Variants in LHPP observed in about 807,000 individuals in gnomAD.
LHPP encodes the protein hLHPP.
LHPP carries 24 observed loss-of-function variants against 30.3 expected under a neutral mutation model. That is an observed-to-expected ratio of 0.79 (90% CI 0.57 to 1.11). LHPP has a LOEUF of 1.11. LHPP is among the 50% of genes most tolerant of loss of function. LHPP has a pLI of 0.00. For synonymous variants in LHPP, 150 were observed against 157.1 expected, an observed-to-expected ratio of 0.95 and a Z score of 0.34; for missense variants, 356 against 367.2, an observed-to-expected ratio of 0.97 and a Z score of 0.25.
intron 1 of LHPP, among the ~76,000 whole-genome samples, chr10:124,471,142 C>A (rs886927175): frequency 6.6e-6 from 1 of 151,850 alleles, no homozygotes; most frequent in South Asian, 2.1e-4. Flanking sequence ...CCTTTTCCTT[C>A]GTATTCCTCA....
At chr10:124,610,461 A>AGGGTGCTGGTGGAGCGGGTGAGGGTGC (rs1949163486) in intron 6 of LHPP, among the ~76,000 whole-genome samples, 25 of 73,492 alleles carry the variant, frequency 3.4e-4, no homozygotes, top group Non-Finnish European at 4.5e-4. Flanking sequence ...GGTGAGGGTG[A>AGGGTGCTGGTGGAGCGGGTGAGGGTGC]GGGTGAGGGT....
intron 6 of LHPP, among the ~76,000 whole-genome samples, chr10:124,610,420 T>G (rs867554407): frequency 1.4e-5 from 1 of 72,016 alleles, no homozygotes; most frequent in Admixed American, 1.3e-4. Flanking sequence ...CGGGTGAGGG[T>G]GAGGGTGAGG....
chr10:124,579,058 G>A lies in LHPP; in HGVS notation c.717-34206G>A, dbSNP rs190119050. Among the ~76,000 whole-genome samples the A allele has an allele frequency of 9.8e-5, 15 of 152,346 alleles. No individual in the cohort carries two copies. In the East Asian group the frequency reaches 2.5e-3, roughly 25 times the overall value. Reference sequence around the variant, plus strand: ...CCAGGCACAGTCACTGGGTCTCCCCGTCGAAGTGGCTCTAAGGCAGGTCTT... The same window carrying A: ...CCAGGCACAGTCACTGGGTCTCCCCATCGAAGTGGCTCTAAGGCAGGTCTT... On this transcript the variant is annotated intron_variant, in intron 6 of 6. Transcript: ENST00000368842.
intron 6 of LHPP, among the ~76,000 whole-genome samples, chr10:124,528,377 G>T (rs1257767484): frequency 2.7e-5 from 4 of 149,996 alleles, no homozygotes; most frequent in South Asian, 2.1e-4. Context: ...ATTTTTTTTT[G>T]AAACGGAGTC....
At position 124,593,836 on chromosome 10, in the gene LHPP, G is replaced by A. The variant is rs1948910588; in HGVS notation, c.717-19428G>A. ...CCTTACTCCATAAGGTACTGATATG[G>A]TCTGCGGAGCAGGTGGCATTTGCCA... On this transcript the variant is annotated intron_variant, in intron 6 of 6. Coordinates refer to ENST00000368842, the MANE Select transcript of LHPP (RefSeq NM_022126.4). The surrounding 1 kb of genome is among the most constrained non-coding windows in gnomAD (Gnocchi z 4.9). 6.6e-6 allele frequency among the ~76,000 whole-genome samples: 1 copy of A among 152,250 alleles called. No homozygotes were observed. Among genetic ancestry groups the A allele is most frequent in the South Asian group, 2.1e-4 (1 of 4,836 alleles).
At chr10:124,464,035 T>C (rs1952487215) in intron 1 of LHPP, among the ~76,000 whole-genome samples, 1 of 152,044 alleles carries the variant, frequency 6.6e-6, no homozygotes, top group Non-Finnish European at 1.5e-5. Context: ...CCCAGGCCGG[T>C]CTTGAACTCC....
At chr10:124,564,146 C>T (rs554098125) in intron 6 of LHPP, among the ~76,000 whole-genome samples, 12 of 142,156 alleles carry the variant, frequency 8.4e-5, no homozygotes, top group African/African-American at 3.2e-4. Context: ...TTTTTTGAGA[C>T]GGAGTCTCGC....
intron 3 of LHPP, among the ~76,000 whole-genome samples, chr10:124,490,994 CAG>C (rs1328101750): frequency 6.6e-6 from 1 of 151,648 alleles, no homozygotes; most frequent in Non-Finnish European, 1.5e-5. Context: ...TCTGGAATCA[CAG>C]GGTTCTGCAC....
intron 6 of LHPP, among the ~76,000 whole-genome samples, chr10:124,545,554 T>C (rs958290717): frequency 7.9e-5 from 12 of 152,124 alleles, no homozygotes; most frequent in African/African-American, 2.9e-4. Flanking sequence ...TGCAGGCGCC[T>C]TATTGAGCTG....
chr10:124,483,581 C>T (rs1190114107), intron 1 of LHPP, among the ~76,000 whole-genome samples: 1 of 152,042 alleles, frequency 6.6e-6, no homozygotes, highest in Non-Finnish European at 1.5e-5. Context: ...CATAGTGAAA[C>T]CCCATCTGTA....
chr10:124,558,702 A>G (rs993882639), intron 6 of LHPP, among the ~76,000 whole-genome samples: 6 of 152,104 alleles, frequency 3.9e-5, no homozygotes, highest in African/African-American at 1.4e-4. Flanking sequence ...ACTCACTTTT[A>G]TTTTGGTAGA....
intron 6 of LHPP, among the ~76,000 whole-genome samples, chr10:124,573,364 G>A (rs766371080): frequency 1.3e-5 from 2 of 152,162 alleles, no homozygotes; most frequent in Non-Finnish European, 2.9e-5. Context: ...TGTCATTCAG[G>A]CTGGAGTGCA....
intron 2 of LHPP, among the ~76,000 whole-genome samples, chr10:124,486,358 A>T (rs1477039633): frequency 1.3e-5 from 2 of 152,222 alleles, no homozygotes; most frequent in South Asian, 4.1e-4. Context: ...AAATAGAATC[A>T]TACAGTATAT....
At chr10:124,470,751 G>A (rs528766839) in intron 1 of LHPP, among the ~76,000 whole-genome samples, 2 of 152,254 alleles carry the variant, frequency 1.3e-5, no homozygotes, top group South Asian at 2.1e-4. Context: ...ACCCCCACAC[G>A]CGGTGTGGCA....
chr10:124,557,214 T>C (rs575236951), intron 6 of LHPP, among the ~76,000 whole-genome samples: 1 of 152,304 alleles, frequency 6.6e-6, no homozygotes, highest in Admixed American at 6.5e-5. Context: ...CCATGAGGTG[T>C]TGGTGTGCAG....
At chr10:124,588,252 G>A (rs1170631051) in intron 6 of LHPP, among the ~76,000 whole-genome samples, 1 of 152,070 alleles carries the variant, frequency 6.6e-6, no homozygotes, top group Non-Finnish European at 1.5e-5. Flanking sequence ...CTGGCCAGAA[G>A]CACTGCTTTC....
In LHPP at chr10:124,545,444, C is replaced by T. The variant is rs529410236; in HGVS notation, c.716+28173C>T. Among the ~76,000 whole-genome samples, 11 of 152,344 alleles carry T rather than the reference C, an allele frequency of 7.2e-5. No individual in the cohort carries two copies. The South Asian group carries it at 2.3e-3, about 32-fold the overall frequency. On this transcript the variant is annotated intron_variant, in intron 6 of 6. Transcript: ENST00000368842. ...CTGGCGGCCCCTGCAGCGGTGCCCACGGCAGCCCATGCACCCAGGCAGGAA... is the reference window on the plus strand; with the variant it reads ...CTGGCGGCCCCTGCAGCGGTGCCCATGGCAGCCCATGCACCCAGGCAGGAA...
chr10:124,529,618 G>A (rs975163527), intron 6 of LHPP, among the ~76,000 whole-genome samples: 3 of 152,168 alleles, frequency 2.0e-5, no homozygotes, highest in Non-Finnish European at 4.4e-5. Context: ...CAGGAGCTGA[G>A]GGCCAGGGGC....
chr10:124,515,192 T>G (rs1377495926), intron 5 of LHPP, among the ~76,000 whole-genome samples: 2 of 152,218 alleles, frequency 1.3e-5, no homozygotes, highest in Non-Finnish European at 2.9e-5. Flanking sequence ...TTTTTGAAAA[T>G]AATTTTTCTG....
Sources: gnomAD v4.1 joint callset for allele counts (sites outside exome capture counted in the v4.1 genomes callset) on GRCh38, gnomAD v4.1.1 for gene constraint, Gnocchi (gnomAD v3.1) non-coding constraint, MANE v1.5 for transcripts, NCBI Gene and HGNC (gene_info 2026-07-23, HGNC 2026-07-21) for gene names.